SSBP2: variants seen among roughly 807,000 people sequenced by gnomAD.
SSBP2 encodes the protein single-stranded DNA-binding protein 2.
Under a neutral mutation model 61.8 loss-of-function variants are expected in SSBP2, and 17 were observed. That is an observed-to-expected ratio of 0.28 (90% CI 0.19 to 0.41). The LOEUF (loss-of-function observed/expected upper bound fraction) is 0.41, where lower values mean the gene tolerates loss of function less well. Ranked by LOEUF, SSBP2 falls within the 10% of genes least tolerant of loss-of-function variation. SSBP2 has a pLI of 1.00. For missense variants in SSBP2, 310 were observed against 458.7 expected, an observed-to-expected ratio of 0.68 and a Z score of 2.96; for synonymous variants, 139 against 141.3, an observed-to-expected ratio of 0.98 and a Z score of 0.12.
chr5:81,588,328 C>T (rs1301043355), intron 4 of SSBP2, among the ~76,000 whole-genome samples: 1 of 151,972 alleles, frequency 6.6e-6, no homozygotes, highest in Non-Finnish European at 1.5e-5. Context: ...CACAATGGTT[C>T]TAGTAGGGAG....
At chr5:81,664,649 C>G (rs1750960725) in intron 1 of SSBP2, among the ~76,000 whole-genome samples, 1 of 152,174 alleles carries the variant, frequency 6.6e-6, no homozygotes, top group Non-Finnish European at 1.5e-5. Context: ...AAATACCATA[C>G]TGTTCGACAA....
chr5:81,473,875 C>T, intron 7 of SSBP2, 105 bp from the exon 8 acceptor site: 1 of 1,010,320 alleles, frequency 9.9e-7, no homozygotes. Context: ...TACCAAGAGT[C>T]TGAGTACTGA....
At position 81,546,437 on chromosome 5, in the gene SSBP2, C is replaced by G. The variant is rs374793191; in HGVS notation, c.283-32720G>C. Among the ~76,000 whole-genome samples the G allele has an allele frequency of 5.8e-4, 88 of 151,504 alleles. 1 individual carries two copies. Among genetic ancestry groups the G allele is most frequent in the Admixed American group, 2.4e-3 (37 of 15,200 alleles). On this transcript the variant is annotated intron_variant, in intron 4 of 16. Coordinates refer to ENST00000320672, the MANE Select transcript of SSBP2 (RefSeq NM_012446.5). Reference sequence around the variant, plus strand: ...GAAATTTGCAAATGTCTATTTTTTTCTTTATGCTAGGGCACTAACTAGACA... The same window carrying G: ...GAAATTTGCAAATGTCTATTTTTTTGTTTATGCTAGGGCACTAACTAGACA...
At chr5:81,707,590 G>A (rs1362168170) in intron 1 of SSBP2, among the ~76,000 whole-genome samples, 4 of 152,128 alleles carry the variant, frequency 2.6e-5, no homozygotes, top group Admixed American at 6.6e-5. Context: ...CCAGAATCAT[G>A]AGTCAATAAA....
At chr5:81,586,136 T>G (rs531985532) in intron 4 of SSBP2, among the ~76,000 whole-genome samples, 3 of 152,316 alleles carry the variant, frequency 2.0e-5, no homozygotes, top group Non-Finnish European at 4.4e-5. Context: ...GACATACTTA[T>G]TTCATTTCCT....
chr5:81,665,578 C>T (rs1751042281), intron 1 of SSBP2, among the ~76,000 whole-genome samples: 1 of 152,216 alleles, frequency 6.6e-6, no homozygotes, highest in African/African-American at 2.4e-5. Flanking sequence ...ACTGCAACCT[C>T]TGCCTCCCAG....
intron 10 of SSBP2, among the ~76,000 whole-genome samples, chr5:81,450,479 A>T (rs1763697573): frequency 6.6e-6 from 1 of 152,222 alleles, no homozygotes; most frequent in Non-Finnish European, 1.5e-5. Flanking sequence ...ACTTTAAGAT[A>T]CAATCTAATT....
chr5:81,529,509 G>A (rs2154103439), intron 4 of SSBP2, among the ~76,000 whole-genome samples: 1 of 152,216 alleles, frequency 6.6e-6, no homozygotes, highest in South Asian at 2.1e-4. Flanking sequence ...CATATTACCT[G>A]GGAGACTAGT....
chr5:81,454,421 C>T (rs530074585), intron 10 of SSBP2, among the ~76,000 whole-genome samples: 19 of 152,292 alleles, frequency 1.2e-4, no homozygotes, highest in African/African-American at 4.3e-4. Context: ...TGGCTCACAC[C>T]TGTAATCCCA....
rs185766637 is a variant in SSBP2 at position 81,515,880 on chromosome 5, C to A, written c.283-2163G>T. On this transcript the variant is annotated intron_variant, in intron 4 of 16. Transcript: ENST00000320672. ...TTTAAAATGGCTTCTGAATTTTCAT[C>A]TTATGCTTTAAATTTATTTAATAAA... Among the ~76,000 whole-genome samples the A allele has an allele frequency of 2.4e-3, 364 of 151,448 alleles. 5 individuals are homozygous for A. The highest frequency in any genetic ancestry group is 5.8e-4 in the Non-Finnish European group (39 of 67,742).
intron 4 of SSBP2, among the ~76,000 whole-genome samples, chr5:81,536,538 C>T (rs1770818534): frequency 6.6e-6 from 1 of 152,116 alleles, no homozygotes; most frequent in African/African-American, 2.4e-5. Flanking sequence ...CCATAAGATT[C>T]AGCAGTTGCT....
chr5:81,700,216 G>A (rs1221598019), intron 1 of SSBP2, among the ~76,000 whole-genome samples: 1 of 152,160 alleles, frequency 6.6e-6, no homozygotes, highest in African/African-American at 2.4e-5. Flanking sequence ...CAGAATGGAT[G>A]TTGTATTAGT....
At chr5:81,481,152 C>T (rs1290166455) in intron 6 of SSBP2, among the ~76,000 whole-genome samples, 2 of 152,192 alleles carry the variant, frequency 1.3e-5, no homozygotes, top group African/African-American at 4.8e-5. Context: ...TCTGAATCAG[C>T]TTCTTCCAAA....
chr5:81,647,245 A>C (rs946747310), intron 2 of SSBP2, among the ~76,000 whole-genome samples: 2 of 152,096 alleles, frequency 1.3e-5, no homozygotes, highest in African/African-American at 2.4e-5. Flanking sequence ...CACTCCCAAA[A>C]CAACTAGTCT....
chr5:81,680,854 G>A (rs989867361), intron 1 of SSBP2, among the ~76,000 whole-genome samples: 2 of 152,124 alleles, frequency 1.3e-5, no homozygotes, highest in Admixed American at 1.3e-4. Context: ...ATGAGAAATG[G>A]ACGGTTCCAG....
At chr5:81,488,965 G>A (rs552165693) in intron 6 of SSBP2, among the ~76,000 whole-genome samples, 9 of 152,046 alleles carry the variant, frequency 5.9e-5, no homozygotes, top group South Asian at 2.1e-4. Context: ...TAGGGTTGCC[G>A]GCCACATATG....
chr5:81,751,005 G>T lies in SSBP2; in HGVS notation c.38C>A (p.Pro13Gln). Residue 13 changes from proline to glutamine, a missense_variant, in exon 1 of 17, where the codon CCG (proline) becomes CAG (glutamine). Pro to Gln is a moderately conservative substitution (Grantham distance 76, BLOSUM62 -1). Transcript: ENST00000320672. Reference sequence around the variant, plus strand: ...CTTCTCCCGGGCCTGGCTGTCGGACGGGACGGCGCTGCTGTTACTCTTGCC... The same window carrying T: ...CTTCTCCCGGGCCTGGCTGTCGGACTGGACGGCGCTGCTGTTACTCTTGCC... 1 of 1,599,454 alleles carries T rather than the reference G, an allele frequency of 6.3e-7. No homozygotes were observed. The highest frequency in any genetic ancestry group is 8.5e-7 in the Non-Finnish European group (1 of 1,173,208).
At chr5:81,602,899 T>C (rs941033093) in intron 4 of SSBP2, among the ~76,000 whole-genome samples, 5 of 152,120 alleles carry the variant, frequency 3.3e-5, no homozygotes, top group Admixed American at 3.3e-4. Flanking sequence ...TACTTCCGTA[T>C]CAAATAACAC....
chr5:81,576,788 CAG>C (rs1369460515), intron 4 of SSBP2, among the ~76,000 whole-genome samples: 1 of 152,062 alleles, frequency 6.6e-6, no homozygotes, highest in African/African-American at 2.4e-5. Flanking sequence ...CTGTGCCTTT[CAG>C]AGAGTTCATC....
Sources: gnomAD v4.1 joint callset for allele counts (sites outside exome capture counted in the v4.1 genomes callset) on GRCh38, gnomAD v4.1.1 for gene constraint, MANE v1.5 for transcripts, NCBI Gene and HGNC (gene_info 2026-07-23, HGNC 2026-07-21) for gene names.